MIAT: variants seen among roughly 807,000 people sequenced by gnomAD.
The protein encoded by MIAT is myocardial infarction associated transcript, also known as MI related novel mRNA.
chr22:26,651,641 A>G (rs1930338170), intron 2 of MIAT, among the ~76,000 whole-genome samples: 2 of 152,250 alleles, frequency 1.3e-5, no homozygotes, highest in Admixed American at 6.5e-5. Context: ...GAAACAACCC[A>G]TATGTCCATC....
intron 2 of MIAT, among the ~76,000 whole-genome samples, chr22:26,661,955 TATATATAC>T (rs1183321335): frequency 1.1e-3 from 48 of 43,092 alleles, no homozygotes; most frequent in Non-Finnish European, 1.8e-3. Flanking sequence ...TATATATATA[TATATATAC>T]ACACACACAC....
intron 2 of MIAT, among the ~76,000 whole-genome samples, chr22:26,654,947 C>T (rs1930398144): frequency 6.6e-6 from 1 of 152,258 alleles, no homozygotes; most frequent in African/African-American, 2.4e-5. Flanking sequence ...CTCCTGACCT[C>T]ATGATCCGCC....
intron 2 of MIAT, chr22:26,650,482 G>C (rs1474585090): frequency 1.3e-5 from 2 of 152,236 alleles, no homozygotes; most frequent in Non-Finnish European, 2.9e-5. Flanking sequence ...AAGGCTTCCT[G>C]GTACCAATAC....
At chr22:26,673,991 T>C, downstream of MIAT, 1 of 398,702 alleles carries the variant, frequency 2.5e-6, no homozygotes, top group Non-Finnish European at 4.4e-6. Flanking sequence ...ATGCAGCTCT[T>C]ATAAACCTTA....
intron 3 of MIAT, among the ~76,000 whole-genome samples, chr22:26,665,289 A>AAGAAAGAAAGAAAGAAAGAAAGAC (rs749567072): frequency 1.4e-5 from 2 of 143,916 alleles, no homozygotes; most frequent in South Asian, 2.3e-4. Context: ...GAAAGAAAGA[A>AAGAAAGAAAGAAAGAAAGAAAGAC]AAACAATTAA....
chr22:26,671,802 A>G, downstream of MIAT: 1 of 398,414 alleles, frequency 2.5e-6, no homozygotes, highest in Non-Finnish European at 4.4e-6. Context: ...TCCCGTCAAT[A>G]TAAGGGTCTC....
At chr22:26,648,733 A>G (rs1276185082) in intron 2 of MIAT, among the ~76,000 whole-genome samples, 1 of 152,234 alleles carries the variant, frequency 6.6e-6, no homozygotes, top group Non-Finnish European at 1.5e-5. Flanking sequence ...CTGCTCACGC[A>G]GAAAGAACAG....
At chr22:26,647,873 T>C (rs918401863) in intron 2 of MIAT, among the ~76,000 whole-genome samples, 2 of 151,318 alleles carry the variant, frequency 1.3e-5, no homozygotes, top group Non-Finnish European at 1.5e-5. Context: ...CGATGGGGCT[T>C]GGAGTGCATT....
At chr22:26,655,337 T>A (rs1010070532) in intron 2 of MIAT, among the ~76,000 whole-genome samples, 5 of 152,122 alleles carry the variant, frequency 3.3e-5, no homozygotes, top group Non-Finnish European at 7.4e-5. Flanking sequence ...GCTGGGGAAG[T>A]TGGAATCTAA....
At chr22:26,669,279 C>G (rs184014859) in exon 6 of MIAT, 1 of 398,736 alleles carries the variant, frequency 2.5e-6, no homozygotes, top group Admixed American at 4.4e-5. Flanking sequence ...TGCCACAGCA[C>G]CATGCCAGAC....
chr22:26,669,679 C>T, downstream of MIAT: 1 of 399,132 alleles, frequency 2.5e-6, no homozygotes, highest in Non-Finnish European at 4.4e-6. Context: ...TCAGAGCCTT[C>T]TCCCCTTCAG....
chr22:26,653,144 G>A (rs1433203566), intron 2 of MIAT, among the ~76,000 whole-genome samples: 1 of 152,204 alleles, frequency 6.6e-6, no homozygotes, highest in African/African-American at 2.4e-5. Context: ...CACCACAAAG[G>A]CACTCAACAG....
At chr22:26,648,958 C>T (rs1930289588) in intron 2 of MIAT, among the ~76,000 whole-genome samples, 1 of 132,146 alleles carries the variant, frequency 7.6e-6, no homozygotes, top group South Asian at 2.6e-4. Flanking sequence ...AGAGAGACTA[C>T]CAGGCTGAAG....
downstream of MIAT, chr22:26,671,236 A>T: frequency 2.5e-6 from 1 of 398,656 alleles, no homozygotes; most frequent in Non-Finnish European, 4.4e-6. Flanking sequence ...CACAGCCAAT[A>T]AATAGGGAAG....
At chr22:26,669,532 G>A (rs903823646) in exon 6 of MIAT, 9 of 398,378 alleles carry the variant, frequency 2.3e-5, no homozygotes, top group Non-Finnish European at 3.5e-5. Flanking sequence ...TTAAACCTAT[G>A]ACCTCATTTA....
At chr22:26,663,385 CA>C (rs1332388615) in exon 3 of MIAT, 14 of 398,550 alleles carry the variant, frequency 3.5e-5, no homozygotes, top group African/African-American at 2.3e-4. Context: ...GTCGGCATCA[CA>C]GGGGTAACCA....
downstream of MIAT, chr22:26,674,590 C>T: frequency 2.5e-6 from 1 of 398,662 alleles, no homozygotes; most frequent in Non-Finnish European, 4.4e-6. Flanking sequence ...TTGTAGTTGG[C>T]AGTGGGGGTG....
chr22:26,664,298 C>T (rs546395442), intron 3 of MIAT, among the ~76,000 whole-genome samples: 13 of 152,224 alleles, frequency 8.5e-5, no homozygotes, highest in South Asian at 6.2e-4. Flanking sequence ...TGAGCCACTG[C>T]GCCCAGCTGA....
rs1290864730 is a variant in MIAT, at chr22:26,665,494, G to A, written n.730-37G>A. 2.5e-5 allele frequency: 10 copies of A among 398,582 alleles called. No individual in the cohort carries two copies. The Admixed American group carries it at 4.4e-4, about 18-fold the overall frequency. The allele number at this position is 398,582 out of a possible 1,614,324, so 24.7% of individuals were successfully genotyped here. ...AGGGGAAAGGGTCACTGTGGATCAA[G>A]CCAGGCTCCTCTGAGCAGTCCAGGG... On this transcript the variant is annotated intron_variant and non_coding_transcript_variant, in intron 3 of 5. Transcript: ENST00000643270.
Sources: gnomAD v4.1 joint callset for allele counts (sites outside exome capture counted in the v4.1 genomes callset) on GRCh38, gnomAD v4.1.1 for gene constraint, MANE v1.5 for transcripts, NCBI Gene and HGNC (gene_info 2026-07-23, HGNC 2026-07-21) for gene names.